Variants in SHISA6 observed in about 807,000 individuals in gnomAD.
The protein encoded by SHISA6 is protein shisa-6.
Under a neutral mutation model 47.9 loss-of-function variants are expected in SHISA6, and 22 were observed. The observed-to-expected ratio is 0.46, with a 90% CI of 0.33 to 0.66. The LOEUF (loss-of-function observed/expected upper bound fraction) is 0.66, where lower values mean the gene tolerates loss of function less well. Among genes scored for constraint, SHISA6 ranks in the 30% least tolerant of loss-of-function variants. The pLI is 0.02. For missense variants in SHISA6, 680 were observed against 764.6 expected (o/e 0.89, Z 1.30); for synonymous variants, 388 against 337.8 (o/e 1.15, Z -1.63).
intron 3 of SHISA6, among the ~76,000 whole-genome samples, chr17:11,421,150 T>G (rs1379804047): frequency 6.6e-6 from 1 of 152,220 alleles, no homozygotes; most frequent in Non-Finnish European, 1.5e-5. Context: ...TATGGCAGCG[T>G]TCCTCTACCT....
intron 3 of SHISA6, among the ~76,000 whole-genome samples, chr17:11,495,162 C>G (rs1336199339): frequency 6.6e-6 from 1 of 152,194 alleles, no homozygotes; most frequent in African/African-American, 2.4e-5. Context: ...GTGAAAGCAT[C>G]TTGCCCACTG....
chr17:11,312,734 T>C (rs2142188216), intron 2 of SHISA6, among the ~76,000 whole-genome samples: 1 of 152,356 alleles, frequency 6.6e-6, no homozygotes, highest in East Asian at 1.9e-4. Flanking sequence ...TCCATAGTTC[T>C]ATTTCATTCT....
chr17:11,395,677 C>G (rs986960159), intron 3 of SHISA6, among the ~76,000 whole-genome samples: 1 of 151,844 alleles, frequency 6.6e-6, no homozygotes, highest in Non-Finnish European at 1.5e-5. Flanking sequence ...ACCACCACGC[C>G]CAGCTAATTT....
At chr17:11,386,916 GA>G (rs1913214369) in intron 3 of SHISA6, among the ~76,000 whole-genome samples, 1 of 152,230 alleles carries the variant, frequency 6.6e-6, no homozygotes, top group African/African-American at 2.4e-5. Context: ...TGTGTCCTAG[GA>G]AAACCCTCAG....
intron 3 of SHISA6, among the ~76,000 whole-genome samples, chr17:11,521,889 G>A (rs953670769): frequency 6.6e-6 from 1 of 151,880 alleles, no homozygotes; most frequent in Non-Finnish European, 1.5e-5. Flanking sequence ...TAGTGAATAG[G>A]GAAAATTCTA....
At chr17:11,469,132 T>C (rs934150090) in intron 3 of SHISA6, among the ~76,000 whole-genome samples, 31 of 135,362 alleles carry the variant, frequency 2.3e-4, no homozygotes, top group African/African-American at 8.4e-4. Flanking sequence ...GGTAGCAAAA[T>C]AATGGCCCCA....
chr17:11,370,974 G>T (rs1156728898), intron 2 of SHISA6, among the ~76,000 whole-genome samples: 1 of 152,192 alleles, frequency 6.6e-6, no homozygotes, highest in African/African-American at 2.4e-5. Flanking sequence ...CCAGAGAGGA[G>T]ATCTTTGGGG....
At chr17:11,441,319 G>A (rs904111257) in intron 3 of SHISA6, among the ~76,000 whole-genome samples, 5 of 152,210 alleles carry the variant, frequency 3.3e-5, no homozygotes, top group Admixed American at 2.6e-4. Context: ...GGATAGAAGT[G>A]TGAATCTGCT....
intron 3 of SHISA6, among the ~76,000 whole-genome samples, chr17:11,388,790 T>TTTATA (rs1913276456): frequency 2.0e-5 from 1 of 50,036 alleles, no homozygotes; most frequent in Admixed American, 2.9e-4. Context: ...AAACAAAAGT[T>TTTATA]TATATATATA....
intron 3 of SHISA6, chr17:11,379,863 T>C (rs1912954146): frequency 4.1e-6 from 1 of 244,122 alleles, no homozygotes; most frequent in African/African-American, 2.4e-5. Context: ...TATTATTCCT[T>C]TTCCTTTTGA....
chr17:11,370,915 A>G (rs1313137258), intron 2 of SHISA6, among the ~76,000 whole-genome samples: 2 of 152,142 alleles, frequency 1.3e-5, no homozygotes, highest in East Asian at 1.9e-4. Flanking sequence ...GCACTTAGCA[A>G]TGGTCCCCTT....
intron 3 of SHISA6, among the ~76,000 whole-genome samples, chr17:11,381,267 A>G (rs1030165778): frequency 1.3e-5 from 2 of 152,096 alleles, no homozygotes; most frequent in African/African-American, 4.8e-5. Context: ...CACTTCAACC[A>G]ACAGAACTCT....
At chr17:11,555,278 C>T (rs1387517661) in intron 4 of SHISA6, among the ~76,000 whole-genome samples, 2 of 151,996 alleles carry the variant, frequency 1.3e-5, no homozygotes, top group African/African-American at 4.8e-5. Flanking sequence ...GGACTCAGTT[C>T]TTCTATGGGT....
intron 3 of SHISA6, among the ~76,000 whole-genome samples, chr17:11,509,605 A>C (rs1358502408): frequency 2.6e-5 from 4 of 152,166 alleles, no homozygotes; most frequent in African/African-American, 9.7e-5. Flanking sequence ...TTGGCCTCCC[A>C]GTCTCTCCAA....
At chr17:11,306,998 T>C (rs546504383) in intron 2 of SHISA6, among the ~76,000 whole-genome samples, 1 of 152,274 alleles carries the variant, frequency 6.6e-6, no homozygotes, top group African/African-American at 2.4e-5. Flanking sequence ...TCTCCTGATG[T>C]TCAGAATATG....
Position 11,315,631 on chromosome 17 carries a change from G to A in SHISA6, c.799+52105G>A, listed in dbSNP as rs114577003. On this transcript the variant is annotated intron_variant, in intron 2 of 5. Transcript: ENST00000441885. ...ATTTTTTTAAAAAATAACTTTTTCT[G>A]CACTTCGAATGATCATACGATATTT... Among the ~76,000 whole-genome samples, 1,416 of 152,134 alleles carry A rather than the reference G, an allele frequency of 9.3e-3. 23 individuals are homozygous for A. The highest frequency in any genetic ancestry group is 0.032 in the African/African-American group (1,343 of 41,534).
At chr17:11,316,569 T>C (rs1302320708) in intron 2 of SHISA6, among the ~76,000 whole-genome samples, 1 of 151,860 alleles carries the variant, frequency 6.6e-6, no homozygotes, top group Non-Finnish European at 1.5e-5. Context: ...TACAGGTGCG[T>C]GCCACCACGC....
At chr17:11,445,528 C>T (rs568069342) in intron 3 of SHISA6, among the ~76,000 whole-genome samples, 3 of 152,328 alleles carry the variant, frequency 2.0e-5, no homozygotes, top group African/African-American at 7.2e-5. Flanking sequence ...CCTAATTAAA[C>T]GATAGCTTTT....
At chr17:11,391,258 A>C (rs1913379027) in intron 3 of SHISA6, among the ~76,000 whole-genome samples, 1 of 152,110 alleles carries the variant, frequency 6.6e-6, no homozygotes, top group African/African-American at 2.4e-5. Context: ...TCACCTGTAG[A>C]AGGTAATGAG....
Sources: allele counts gnomAD v4.1 joint callset (sites outside exome capture counted in the v4.1 genomes callset), GRCh38; gene constraint gnomAD v4.1.1; transcripts MANE v1.5; gene names NCBI Gene and HGNC (gene_info 2026-07-23, HGNC 2026-07-21).